The following MAD1L1 variants were observed in gnomAD, a reference collection of about 807,000 sequenced individuals.
The protein encoded by MAD1L1 is mitotic arrest deficient 1 like 1.
Under a neutral mutation model 96.9 loss-of-function variants are expected in MAD1L1, and 95 were observed. The ratio of observed to expected loss-of-function variants is 0.98; its 90% CI spans 0.83 to 1.16. The LOEUF (loss-of-function observed/expected upper bound fraction) is 1.16. MAD1L1 is among the 50% of genes most tolerant of loss of function. MAD1L1 has a pLI of 0.00. For synonymous variants in MAD1L1, 473 were observed against 396.6 expected, an observed-to-expected ratio of 1.19 and a Z score of -2.29; for missense variants, 1,007 against 954.4, an observed-to-expected ratio of 1.06 and a Z score of -0.73.
intron 18 of MAD1L1, among the ~76,000 whole-genome samples, chr7:1,826,134 G>A (rs1240198846): frequency 6.6e-6 from 1 of 152,170 alleles, no homozygotes; most frequent in Non-Finnish European, 1.5e-5. Context: ...GGGATACCGA[G>A]GACTCCTGGC....
rs145313182 is a variant in MAD1L1, at chr7:2,152,033, T to C, written c.987-2795A>G. Among the ~76,000 whole-genome samples, 1,099 of 149,388 alleles carry C rather than the reference T, an allele frequency of 7.4e-3. 5 individuals carry two copies. Among genetic ancestry groups the C allele is most frequent in the Admixed American group, 0.011 (167 of 15,036 alleles). ...GGAGGCTGCTTCCGGGTGGCTCCCC[T>C]GCACGCTCCTCCTTGCCTGAGGTGG... On this transcript the variant is annotated intron_variant, in intron 10 of 18. Transcript: ENST00000265854.
At chr7:1,983,361 T>A (rs537227931) in intron 14 of MAD1L1, among the ~76,000 whole-genome samples, 66 of 152,220 alleles carry the variant, frequency 4.3e-4, no homozygotes, top group Non-Finnish European at 8.4e-4. Context: ...TCTGTTTCTT[T>A]CCTCTTGTGG....
intron 16 of MAD1L1, among the ~76,000 whole-genome samples, chr7:1,947,618 C>T (rs927945439): frequency 9.9e-5 from 15 of 151,216 alleles, no homozygotes; most frequent in African/African-American, 1.2e-4. Context: ...ATCTCCTGCC[C>T]GTGGCCTTGC....
chr7:1,826,960 A>AATT (rs925402152), intron 18 of MAD1L1, among the ~76,000 whole-genome samples: 1 of 152,096 alleles, frequency 6.6e-6, no homozygotes, highest in Non-Finnish European at 1.5e-5. Context: ...CCAAACCAAC[A>AATT]ATTATTATTA....
intron 18 of MAD1L1, among the ~76,000 whole-genome samples, chr7:1,859,723 C>G (rs1002467051): frequency 6.6e-6 from 1 of 152,144 alleles, no homozygotes; most frequent in African/African-American, 2.4e-5. Flanking sequence ...TCCCTCTGTT[C>G]CCTAGACGTG....
At chr7:2,043,016 G>A (rs1318001725) in intron 12 of MAD1L1, among the ~76,000 whole-genome samples, 2 of 152,116 alleles carry the variant, frequency 1.3e-5, no homozygotes, top group Non-Finnish European at 2.9e-5. Context: ...ATGGGCTTCT[G>A]GAAAACACAG....
chr7:1,901,978 C>T (rs1348235115), intron 17 of MAD1L1, among the ~76,000 whole-genome samples: 1 of 152,212 alleles, frequency 6.6e-6, no homozygotes, highest in African/African-American at 2.4e-5. Context: ...GGGACACAGG[C>T]CTGGTACTGA....
At chr7:2,193,936 A>ATT (rs35067993) in intron 10 of MAD1L1, among the ~76,000 whole-genome samples, 43,677 of 82,878 alleles carry the variant, frequency 0.53, 13,532 homozygotes, top group East Asian at 0.79. Context: ...CTCTGCATGG[A>ATT]TTTTTTTTTT....
chr7:2,001,385 T>G (rs766093778), intron 14 of MAD1L1, among the ~76,000 whole-genome samples: 8 of 152,228 alleles, frequency 5.3e-5, no homozygotes, highest in Non-Finnish European at 7.3e-5. Context: ...GCCAAAACGC[T>G]TCAAAAGCAA....
intron 12 of MAD1L1, among the ~76,000 whole-genome samples, chr7:2,060,275 CGA>C (rs1784592579): frequency 4.2e-5 from 4 of 94,598 alleles, no homozygotes; most frequent in African/African-American, 5.8e-5. Flanking sequence ...ACGCCGATGC[CGA>C]GATACGCCGA....
chr7:1,936,282 C>T (rs532947518), intron 17 of MAD1L1, among the ~76,000 whole-genome samples: 5 of 152,358 alleles, frequency 3.3e-5, no homozygotes, highest in South Asian at 2.1e-4. Flanking sequence ...TGGGACGCCA[C>T]AGGCCTTGGC....
At chr7:2,130,923 C>G (rs557834359) in intron 11 of MAD1L1, among the ~76,000 whole-genome samples, 1 of 152,320 alleles carries the variant, frequency 6.6e-6, no homozygotes, top group Admixed American at 6.5e-5. Flanking sequence ...TTAAGCCTCT[C>G]GCAGAAGGAT....
rs536684875 is a variant in MAD1L1 at position 1,829,997 on chromosome 7, C to A, written c.1999-13769G>T. ...AATATCTCCCCCCAAATAAAGACTT[C>A]TTCAGGTGTGCAAGAGCTTAAAATA... On this transcript the variant is annotated intron_variant, in intron 18 of 18. Transcript: ENST00000265854. 2.9e-3 allele frequency among the ~76,000 whole-genome samples: 444 copies of A among 152,306 alleles called. 4 individuals carry two copies. The highest frequency in any genetic ancestry group is 8.7e-3 in the African/African-American group (363 of 41,570).
chr7:1,958,070 T>C (rs1241764072), intron 15 of MAD1L1, among the ~76,000 whole-genome samples: 1 of 152,080 alleles, frequency 6.6e-6, no homozygotes, highest in Admixed American at 6.5e-5. Flanking sequence ...CAGAGGGTGA[T>C]GTGATGGCGG....
rs1786034303 is a variant in MAD1L1 at position 2,088,351 on chromosome 7, T to C, written c.1074-19013A>G. On this transcript the variant is annotated intron_variant, in intron 11 of 18. Coordinates refer to ENST00000265854, the MANE Select transcript of MAD1L1 (RefSeq NM_001013836.2). This position sits in a 1 kb window ranked among gnomAD's most constrained non-coding sequence, Gnocchi z 4.4. ...GTGGTCTCGTGCTACCCTGGTTCCG[T>C]GTCGGCGCCAGCCCTCCAACCTTCT... 6.6e-6 allele frequency among the ~76,000 whole-genome samples: 1 copy of C among 152,178 alleles called. No homozygotes were observed. Among genetic ancestry groups the C allele is most frequent in the Non-Finnish European group, 1.5e-5 (1 of 68,018 alleles).
At chr7:1,861,157 G>C (rs1189225828) in intron 18 of MAD1L1, among the ~76,000 whole-genome samples, 5 of 152,196 alleles carry the variant, frequency 3.3e-5, no homozygotes, top group African/African-American at 1.2e-4. Flanking sequence ...ACCAAAGACG[G>C]GCAGGAGGCT....
intron 6 of MAD1L1, 62 bp downstream of exon 6, chr7:2,219,269 GA>G: frequency 7.0e-7 from 1 of 1,434,708 alleles, no homozygotes; most frequent in Non-Finnish European, 9.4e-7. Context: ...CACCAGGAGA[GA>G]GGTGGGACGC....
At chr7:2,232,352 G>C (rs1002127106) in intron 1 of MAD1L1, among the ~76,000 whole-genome samples, 9 of 152,254 alleles carry the variant, frequency 5.9e-5, no homozygotes, top group Non-Finnish European at 1.3e-4. Flanking sequence ...GCCCAAACGA[G>C]ATCAGGGTGG....
intron 12 of MAD1L1, among the ~76,000 whole-genome samples, chr7:2,036,310 T>C (rs1392396669): frequency 2.0e-5 from 3 of 150,222 alleles, no homozygotes; most frequent in Non-Finnish European, 4.4e-5. Flanking sequence ...GCGGGAGCAC[T>C]GACAAGTCGG....
Sources: gnomAD v4.1 joint callset for allele counts (sites outside exome capture counted in the v4.1 genomes callset) on GRCh38, gnomAD v4.1.1 for gene constraint, Gnocchi (gnomAD v3.1) non-coding constraint, MANE v1.5 for transcripts, NCBI Gene and HGNC (gene_info 2026-07-23, HGNC 2026-07-21) for gene names.